Variants in TTC23 observed in about 807,000 individuals in gnomAD.
The protein encoded by TTC23 is tetratricopeptide repeat protein 23.
TTC23 carries 58 observed loss-of-function variants against 55.1 expected under a neutral mutation model. That is an observed-to-expected ratio of 1.05 (90% CI 0.85 to 1.31). The LOEUF (loss-of-function observed/expected upper bound fraction) is 1.31. TTC23 is among the 50% of genes most tolerant of loss of function. The pLI is 0.00. For synonymous variants in TTC23, 203 were observed against 199.9 expected, an observed-to-expected ratio of 1.02 and a Z score of -0.13; for missense variants, 516 against 534.4, an observed-to-expected ratio of 0.97 and a Z score of 0.34.
At chr15:99,195,965 C>T (rs1301216053) in intron 9 of TTC23, among the ~76,000 whole-genome samples, 1 of 151,430 alleles carries the variant, frequency 6.6e-6, no homozygotes, top group Non-Finnish European at 1.5e-5. Flanking sequence ...ACCAGCCTGG[C>T]CAACATGGTG....
In TTC23 at chr15:99,136,740, C is replaced by T. The variant is rs1485162836; in HGVS notation, c.*1270G>A. 9.2e-6 allele frequency: 1 copy of T among 108,926 alleles called. No individual in the cohort carries two copies. Among genetic ancestry groups the T allele is most frequent in the Non-Finnish European group, 1.9e-5 (1 of 51,360 alleles). 6.7% of individuals were successfully genotyped at this position (108,926 alleles called of 1,614,324 possible). A position where few individuals can be genotyped will look rare whatever the true frequency, so the allele number is the denominator to read the frequency against. ...CTCCACCCATGTCAACTAGATAGGA[C>T]ACACGGTGAGTAGTGACATCTTACA... On this transcript the variant is annotated 3_prime_UTR_variant, in exon 14 of 14. Coordinates refer to ENST00000394132, the MANE Select transcript of TTC23 (RefSeq NM_001288615.3).
At chr15:99,171,822 G>A (rs113199254) in intron 10 of TTC23, among the ~76,000 whole-genome samples, 5,104 of 151,756 alleles carry the variant, frequency 0.034, 307 homozygotes, top group African/African-American at 0.12. Flanking sequence ...CACCCACCTC[G>A]GCCTCCCAAA....
rs1346419193 is a variant in TTC23 at position 99,136,479 on chromosome 15, C to T, written c.*1531G>A. ...TCTCAAGGTGCCAACAGTTTCATTT[C>T]CTGGTGAGGGCTCTCTTCCGGGCCT... On this transcript the variant is annotated 3_prime_UTR_variant, in exon 14 of 14. Transcript: ENST00000394132. The T allele has an allele frequency of 6.6e-5, 10 of 152,268 alleles. No homozygotes were observed. The highest frequency in any genetic ancestry group is 2.4e-4 in the African/African-American group (10 of 41,456). The allele number at this position is 152,268 out of a possible 1,614,324, so 9.4% of individuals were successfully genotyped here.
chr15:99,185,907 T>G (rs1164853029), intron 9 of TTC23, among the ~76,000 whole-genome samples: 2 of 152,202 alleles, frequency 1.3e-5, no homozygotes, highest in Non-Finnish European at 2.9e-5. Flanking sequence ...CTTTGGAACT[T>G]TTCTGTATTT....
At chr15:99,182,192 C>T (rs2074189237) in intron 9 of TTC23, among the ~76,000 whole-genome samples, 1 of 151,406 alleles carries the variant, frequency 6.6e-6, no homozygotes, top group Admixed American at 6.6e-5. Flanking sequence ...CCCAGGCTTA[C>T]AGCTAATCAG....
intron 10 of TTC23, among the ~76,000 whole-genome samples, chr15:99,169,163 C>T (rs2602014): frequency 0.22 from 32,827 of 152,132 alleles, 3,762 homozygotes; most frequent in African/African-American, 0.28. Context: ...GGGATGGATG[C>T]CACATGTGCT....
At chr15:99,201,880 A>G (rs1246690109) in intron 8 of TTC23, among the ~76,000 whole-genome samples, 1 of 152,170 alleles carries the variant, frequency 6.6e-6, no homozygotes, top group East Asian at 1.9e-4. Context: ...TTGGTGATAG[A>G]AAGTCTCAGA....
intron 4 of TTC23, among the ~76,000 whole-genome samples, chr15:99,231,885 C>G (rs888469591): frequency 1.3e-5 from 2 of 151,720 alleles, no homozygotes; most frequent in Non-Finnish European, 1.5e-5. Context: ...CTCTACCCCC[C>G]AGGTTCAAGC....
intron 13 of TTC23, 86 bp downstream of exon 13, chr15:99,139,231 C>T: frequency 8.6e-6 from 13 of 1,517,308 alleles, no homozygotes; most frequent in Non-Finnish European, 1.1e-5. Flanking sequence ...GAGAAGGTTA[C>T]ACAGAACCTT....
intron 9 of TTC23, among the ~76,000 whole-genome samples, chr15:99,193,439 T>TA (rs568890133): frequency 1.5e-3 from 222 of 152,270 alleles, no homozygotes; most frequent in African/African-American, 5.1e-3. Context: ...TCATGAGATC[T>TA]AACAGGATCA....
intron 8 of TTC23, among the ~76,000 whole-genome samples, chr15:99,208,021 TAG>T (rs2152016917): frequency 6.6e-6 from 1 of 152,246 alleles, no homozygotes; most frequent in African/African-American, 2.4e-5. Context: ...ATCATGAAAG[TAG>T]TGTTTACAGT....
chr15:99,162,806 G>A (rs939378103), intron 10 of TTC23, among the ~76,000 whole-genome samples: 2 of 152,146 alleles, frequency 1.3e-5, no homozygotes, highest in African/African-American at 4.8e-5. Flanking sequence ...ATGGCCGGGG[G>A]TGGTGGCTCA....
intron 9 of TTC23, among the ~76,000 whole-genome samples, chr15:99,182,248 T>TCA (rs56223763): frequency 0.024 from 2,637 of 108,656 alleles, 35 homozygotes; most frequent in Non-Finnish European, 0.029. Context: ...TCTCTCTCTC[T>TCA]CACACACACA....
Position 99,190,026 on chromosome 15 carries a change from C to T in TTC23, c.759+9893G>A, listed in dbSNP as rs552433765. Reference sequence around the variant, plus strand: ...ACCCCGTCTCTACAAAAAAAATATACAAAAATTAGCTGGGTGTGGCAGTGC... The same window carrying T: ...ACCCCGTCTCTACAAAAAAAATATATAAAAATTAGCTGGGTGTGGCAGTGC... On this transcript the variant is annotated intron_variant, in intron 9 of 13. Coordinates refer to ENST00000394132, the MANE Select transcript of TTC23 (RefSeq NM_001288615.3). 1.3e-4 allele frequency among the ~76,000 whole-genome samples: 20 copies of T among 151,948 alleles called. No homozygotes were observed. In the East Asian group the frequency reaches 3.3e-3, roughly 25 times the overall value.
chr15:99,146,616 A>G (rs2602024), intron 12 of TTC23, among the ~76,000 whole-genome samples: 60,036 of 152,128 alleles, frequency 0.39, 12,981 homozygotes, highest in African/African-American at 0.59. Flanking sequence ...TTGTGGGACA[A>G]TTGATGACCC....
At chr15:99,155,949 A>G (rs1355129093) in intron 12 of TTC23, 199 bp downstream of exon 12, 1 of 619,870 alleles carries the variant, frequency 1.6e-6, no homozygotes, top group East Asian at 2.8e-5. Flanking sequence ...ATTCATTTAA[A>G]AAATATGTAT....
Position 99,137,820 on chromosome 15 carries a change from G to T in TTC23, c.*190C>A. On this transcript the variant is annotated 3_prime_UTR_variant, in exon 14 of 14. Coordinates refer to ENST00000394132, the MANE Select transcript of TTC23 (RefSeq NM_001288615.3). ...ACTGCTTTATAGCATATATCACCCT[G>T]AAGGGCATCCACTGTCAAAATGTGG... 2 of 871,914 alleles carry T rather than the reference G, an allele frequency of 2.3e-6. No homozygotes were observed. The highest frequency in any genetic ancestry group is 1.9e-5 in the South Asian group (1 of 53,202). 54.0% of individuals were successfully genotyped at this position (871,914 alleles called of 1,614,324 possible).
chr15:99,142,321 CCT>C (rs1555490801), intron 12 of TTC23, among the ~76,000 whole-genome samples: 1 of 152,152 alleles, frequency 6.6e-6, no homozygotes, highest in Non-Finnish European at 1.5e-5. Context: ...GTGAGAGGCC[CCT>C]CTCTCCAGGG....
At chr15:99,223,200 C>G (rs2078097934) in intron 5 of TTC23, among the ~76,000 whole-genome samples, 1 of 152,172 alleles carries the variant, frequency 6.6e-6, no homozygotes, top group Non-Finnish European at 1.5e-5. Flanking sequence ...TTCTTGGGTA[C>G]TCACTCTTGA....
Sources: gnomAD v4.1 joint callset for allele counts (sites outside exome capture counted in the v4.1 genomes callset) on GRCh38, gnomAD v4.1.1 for gene constraint, MANE v1.5 for transcripts, NCBI Gene and HGNC (gene_info 2026-07-23, HGNC 2026-07-21) for gene names.